Variants in LIF observed in about 807,000 individuals in gnomAD.
The protein encoded by LIF is leukemia inhibitory factor.
A neutral mutation model predicts 15.0 loss-of-function variants in LIF; 9 were observed. The observed-to-expected ratio is 0.60, with a 90% CI of 0.36 to 1.04. The LOEUF (loss-of-function observed/expected upper bound fraction) is 1.04. Among genes scored for constraint, LIF ranks in the 50% least tolerant of loss-of-function variants. LIF has a pLI of 0.01. For missense variants in LIF, 240 were observed against 266.7 expected (o/e 0.90, Z 0.70); for synonymous variants, 122 against 119.7 (o/e 1.02, Z -0.13).
At chr22:30,244,481 C>T (rs907786288) in intron 2 of LIF, among the ~76,000 whole-genome samples, 4 of 152,136 alleles carry the variant, frequency 2.6e-5, no homozygotes, top group Non-Finnish European at 5.9e-5. Context: ...CTCCATCCCT[C>T]GCTCCCTGCA....
At position 30,243,508 on chromosome 22, in the gene LIF, C is replaced by T. The variant is rs934492427; in HGVS notation, c.*143G>A. 17 of 961,966 alleles carry T rather than the reference C, an allele frequency of 1.8e-5. No individual in the cohort carries two copies. The African/African-American group carries it at 2.4e-4, about 14-fold the overall frequency. 59.6% of individuals were successfully genotyped at this position (961,966 alleles called of 1,614,324 possible). ...ACAGCCCAGCCCAGAGTGGAGTGGA[C>T]TGGCCAGGCACCCTCGGGGTCTGCC... On this transcript the variant is annotated 3_prime_UTR_variant, in exon 3 of 3. Coordinates refer to ENST00000249075, the MANE Select transcript of LIF (RefSeq NM_002309.5). The surrounding 1 kb of genome is among the most constrained non-coding windows in gnomAD (Gnocchi z 6.0).
At chr22:30,246,592 G>A (rs1468551114) in intron 1 of LIF, 85 bp downstream of exon 1, 2 of 1,504,574 alleles carry the variant, frequency 1.3e-6, no homozygotes, top group African/African-American at 1.4e-5. Context: ...GCGGGTGGGC[G>A]TCCGGCTCGC....
intron 1 of LIF, among the ~76,000 whole-genome samples, chr22:30,245,207 G>A (rs562837882): frequency 6.6e-6 from 1 of 152,304 alleles, no homozygotes; most frequent in African/African-American, 2.4e-5. Flanking sequence ...AAGGGTGCAG[G>A]GTCCAGGAGA....
At position 30,244,065 on chromosome 22, in the gene LIF, AG is replaced by A. The variant is rs752437575; in HGVS notation, c.199-5del. ...ACGGCTCCCCCTGGGCTGTGTACTGAGGGGCAGAAGGGAGGTGACGTGGGAG... is the reference window on the plus strand; with the variant it reads ...ACGGCTCCCCCTGGGCTGTGTACTGAGGGCAGAAGGGAGGTGACGTGGGAG... On this transcript the variant is annotated splice_region_variant and splice_polypyrimidine_tract_variant and intron_variant, in intron 2 of 2. Coordinates refer to ENST00000249075, the MANE Select transcript of LIF (RefSeq NM_002309.5). The A allele has an allele frequency of 1.3e-6, 2 of 1,595,064 alleles. No individual in the cohort carries two copies. The highest frequency in any genetic ancestry group is 3.3e-5 in the Admixed American group (2 of 59,786).
chr22:30,244,013 C>T lies in LIF; in HGVS notation c.247G>A (p.Gly83Ser). Residue 83 changes from glycine (G) to serine (S), a missense_variant, in exon 3 of 3, where the codon GGC (glycine) becomes AGC (serine). Transcript: ENST00000249075. ...PFPNNLDKLC[G>S]PNVTDFPPFH... ...GGCGGGAAGTCCGTCACGTTGGGGC[C>T]ACATAGCTTGTCCAGGTTGTTGGGG... 6.2e-7 allele frequency: 1 copy of T among 1,613,160 alleles called. No individual in the cohort carries two copies. The highest frequency in any genetic ancestry group is 8.5e-7 in the Non-Finnish European group (1 of 1,179,954).
At chr22:30,245,261 C>T (rs1601643359) in intron 1 of LIF, among the ~76,000 whole-genome samples, 1 of 152,206 alleles carries the variant, frequency 6.6e-6, no homozygotes, top group East Asian at 1.9e-4. Flanking sequence ...GGCAAAGGTC[C>T]TAAGGCCCCC....
Position 30,241,552 on chromosome 22 carries a change from A to C in LIF, c.*2099T>G, listed in dbSNP as rs550527473. 6.5e-6 allele frequency: 1 copy of C among 153,152 alleles called. No individual in the cohort carries two copies. The highest frequency in any genetic ancestry group is 2.4e-5 in the African/African-American group (1 of 41,596). The allele number at this position is 153,152 out of a possible 1,614,324, so 9.5% of individuals were successfully genotyped here. A position where few individuals can be genotyped will look rare whatever the true frequency, so the allele number is the denominator to read the frequency against. On this transcript the variant is annotated 3_prime_UTR_variant, in exon 3 of 3. Transcript: ENST00000249075. This position sits in a 1 kb window ranked among gnomAD's most constrained non-coding sequence, Gnocchi z 4.4. ...ACCCCAGGCCTCAGGACCTGCCTGCACACTGCCCACGCGCCATCCAGGTAA... is the reference window on the plus strand; with the variant it reads ...ACCCCAGGCCTCAGGACCTGCCTGCCCACTGCCCACGCGCCATCCAGGTAA...
chr22:30,244,843 C>T lies in LIF; in HGVS notation c.110G>A (p.Arg37His), dbSNP rs748217382. The T allele has an allele frequency of 8.7e-6, 14 of 1,614,018 alleles. No individual in the cohort carries two copies. The highest frequency in any genetic ancestry group is 4.5e-5 in the East Asian group (2 of 44,896). The change falls in exon 2 of 3, where the codon CGC becomes CAC. Residue 37 changes from arginine (R) to histidine (H), a missense_variant. Arg to His is a conservative substitution (Grantham distance 29). Transcript: ENST00000249075. ...CATGAGGTTGTTGTGACATGGGTGG[C>T]GTATGGCACAGGTGGCGTTGACAGG... Reference protein sequence around the residue: ...ITPVNATCAIRHPCHNNLMNQ... With the variant: ...ITPVNATCAIHHPCHNNLMNQ...
rs146324788 is a variant in LIF at position 30,243,674 on chromosome 22, C to T, written c.586G>A (p.Ala196Thr). Residue 196 changes from alanine to threonine, a missense_variant, in exon 3 of 3, where the codon GCC becomes ACC. Transcript: ENST00000249075. The surrounding 1 kb of genome is among the most constrained non-coding windows in gnomAD (Gnocchi z 6.0). ...QLLGKYKQII[A>T]VLAQAF is the part of the protein sequence containing the mutation. ...TGCTAGAAGGCCTGGGCCAACACGGCGATGATCTGCTTATACTTCCCCAGG... is the reference window on the plus strand; with the variant it reads ...TGCTAGAAGGCCTGGGCCAACACGGTGATGATCTGCTTATACTTCCCCAGG... 22 of 1,614,098 alleles carry T rather than the reference C, an allele frequency of 1.4e-5. No homozygotes were observed. Among genetic ancestry groups the T allele is most frequent in the Admixed American group, 5.0e-5 (3 of 60,012 alleles).
Position 30,243,534 on chromosome 22 carries a change from A to G in LIF, c.*117T>C. 2 of 1,304,228 alleles carry G rather than the reference A, an allele frequency of 1.5e-6. No homozygotes were observed. Among genetic ancestry groups the G allele is most frequent in the South Asian group, 1.2e-5 (1 of 82,992 alleles). The allele number at this position is 1,304,228 out of a possible 1,614,324, so 80.8% of individuals were successfully genotyped here. A position where few individuals can be genotyped will look rare whatever the true frequency, so the allele number is the denominator to read the frequency against. On this transcript the variant is annotated 3_prime_UTR_variant, in exon 3 of 3. Transcript: ENST00000249075. The surrounding 1 kb of genome is among the most constrained non-coding windows in gnomAD (Gnocchi z 6.0). ...TGGCCAGGCACCCTCGGGGTCTGCC[A>G]GCAGCCCCCATTTGGGTTTAGCGAT... is the stretch of plus-strand genomic sequence containing the variant.
intron 1 of LIF, 58 bp downstream of exon 1, chr22:30,246,619 A>G: frequency 1.3e-6 from 2 of 1,534,098 alleles, no homozygotes; most frequent in African/African-American, 1.4e-5. Flanking sequence ...AAGCGCCCCA[A>G]GTTGCCGCCG....
intron 1 of LIF, among the ~76,000 whole-genome samples, chr22:30,245,217 A>G (rs1928837690): frequency 6.6e-6 from 1 of 152,162 alleles, no homozygotes. Context: ...GGTCCAGGAG[A>G]GACTCCCAGC....
Position 30,243,523 on chromosome 22 carries a change from C to A in LIF, c.*128G>T. The A allele has an allele frequency of 1.7e-6, 2 of 1,167,270 alleles. No homozygotes were observed. The highest frequency in any genetic ancestry group is 2.5e-5 in the South Asian group (2 of 79,148). 72.3% of individuals were successfully genotyped at this position (1,167,270 alleles called of 1,614,324 possible). A position where few individuals can be genotyped will look rare whatever the true frequency, so the allele number is the denominator to read the frequency against. On this transcript the variant is annotated 3_prime_UTR_variant, in exon 3 of 3. Transcript: ENST00000249075. The surrounding 1 kb of genome is among the most constrained non-coding windows in gnomAD (Gnocchi z 6.0). Reference sequence around the variant, plus strand: ...GTGGAGTGGACTGGCCAGGCACCCTCGGGGTCTGCCAGCAGCCCCCATTTG... The same window carrying A: ...GTGGAGTGGACTGGCCAGGCACCCTAGGGGTCTGCCAGCAGCCCCCATTTG...
At position 30,244,847 on chromosome 22, in the gene LIF, T is replaced by C. The variant is rs201642357; in HGVS notation, c.106A>G (p.Ile36Val). 1.9e-6 allele frequency: 3 copies of C among 1,614,210 alleles called. No individual in the cohort carries two copies. In the African/African-American group the frequency reaches 4.0e-5, roughly 22 times the overall value. Reference protein sequence around the residue: ...PITPVNATCAIRHPCHNNLMN... With the variant: ...PITPVNATCAVRHPCHNNLMN... The stretch of plus-strand genomic sequence containing the variant: ...AGGTTGTTGTGACATGGGTGGCGTA[T>C]GGCACAGGTGGCGTTGACAGGGGTG... Residue 36 changes from isoleucine (I) to valine (V), a missense_variant, in exon 2 of 3, where the codon ATA (isoleucine) becomes GTA (valine). Physicochemically the swap from Ile to Val is conservative, Grantham distance 29. Coordinates refer to ENST00000249075, the MANE Select transcript of LIF (RefSeq NM_002309.5).
rs555697051 is a variant in LIF, at chr22:30,244,884, G to A, written c.69C>T (p.Ser23=). The part of the protein sequence containing the change: ...LVLHWKHGAG[S]PLPITPVNAT... Reference sequence around the variant, plus strand: ...CGTTGACAGGGGTGATGGGGAGGGGGCTCCCCGCCCCATGTTTCCAGTGCA... The same window carrying A: ...CGTTGACAGGGGTGATGGGGAGGGGACTCCCCGCCCCATGTTTCCAGTGCA... The change falls in exon 2 of 3, where the codon AGC becomes AGT. Residue 23 remains serine (S), a synonymous_variant. Coordinates refer to ENST00000249075, the MANE Select transcript of LIF (RefSeq NM_002309.5). 1.9e-6 allele frequency: 3 copies of A among 1,614,056 alleles called. No homozygotes were observed. The highest frequency in any genetic ancestry group is 2.2e-5 in the East Asian group (1 of 44,878).
At chr22:30,244,085 G>A (rs748135356) in intron 2 of LIF, 24 bp from the exon 3 acceptor site, 19 of 1,584,832 alleles carry the variant, frequency 1.2e-5, no homozygotes, top group South Asian at 7.8e-5. Context: ...GGGAGGTGAC[G>A]TGGGAGTCAG....
At position 30,243,563 on chromosome 22, in the gene LIF, C is replaced by G; in HGVS notation, c.*88G>C. On this transcript the variant is annotated 3_prime_UTR_variant, in exon 3 of 3. Transcript: ENST00000249075. The surrounding 1 kb of genome is among the most constrained non-coding windows in gnomAD (Gnocchi z 6.0). ...GCCCCCATTTGGGTTTAGCGATGCC[C>G]TGGGCCCCAGCCACCCTTGGACAGG... The G allele has an allele frequency of 6.4e-7, 1 of 1,573,126 alleles. No homozygotes were observed. Among genetic ancestry groups the G allele is most frequent in the South Asian group, 1.1e-5 (1 of 89,960 alleles).
intron 1 of LIF, 167 bp downstream of exon 1, chr22:30,246,510 C>A (rs574033645): frequency 7.8e-7 from 1 of 1,287,190 alleles, no homozygotes; most frequent in South Asian, 2.4e-5. Flanking sequence ...ACCATGTGCC[C>A]GCGCTCGCTC....
In LIF at chr22:30,243,313, C is replaced by G; in HGVS notation, c.*338G>C. 1 of 414,382 alleles carries G rather than the reference C, an allele frequency of 2.4e-6. No individual in the cohort carries two copies. Among genetic ancestry groups the G allele is most frequent in the Non-Finnish European group, 4.5e-6 (1 of 219,978 alleles). 25.7% of individuals were successfully genotyped at this position (414,382 alleles called of 1,614,324 possible). Reference sequence around the variant, plus strand: ...GCTGTCTCACCCTGTGGTCAGGGCTCTTGTAGATGACTTGTGTAGTTTGTT... The same window carrying G: ...GCTGTCTCACCCTGTGGTCAGGGCTGTTGTAGATGACTTGTGTAGTTTGTT... On this transcript the variant is annotated 3_prime_UTR_variant, in exon 3 of 3. Coordinates refer to ENST00000249075, the MANE Select transcript of LIF (RefSeq NM_002309.5). This position sits in a 1 kb window ranked among gnomAD's most constrained non-coding sequence, Gnocchi z 6.0.
Sources: gnomAD v4.1 joint callset for allele counts (sites outside exome capture counted in the v4.1 genomes callset) on GRCh38, gnomAD v4.1.1 for gene constraint, Gnocchi (gnomAD v3.1) non-coding constraint, MANE v1.5 for transcripts, NCBI Gene and HGNC (gene_info 2026-07-23, HGNC 2026-07-21) for gene names.